IL3RA: variants seen among roughly 807,000 people sequenced by gnomAD.
IL3RA encodes interleukin-3 receptor subunit alpha.
A neutral mutation model predicts 52.3 loss-of-function variants in IL3RA; 73 were observed. The observed-to-expected ratio is 1.40, with a 90% CI of 1.16 to 1.70. The LOEUF (loss-of-function observed/expected upper bound fraction) is 1.70, where lower values mean the gene tolerates loss of function less well. Among genes scored for constraint, IL3RA ranks in the 40% most tolerant of loss-of-function variants. IL3RA has a pLI of 0.00. For missense variants in IL3RA, 664 were observed against 504.4 expected, an observed-to-expected ratio of 1.32 and a Z score of -3.03; for synonymous variants, 260 against 194.0, an observed-to-expected ratio of 1.34 and a Z score of -2.83.
rs28892378 is a variant in IL3RA, at chrX:1,349,334, G to A, written c.298+789G>A. Among the ~76,000 whole-genome samples, 1,232 of 150,474 alleles carry A rather than the reference G, an allele frequency of 8.2e-3. 17 individuals are homozygous for A. The highest frequency in any genetic ancestry group is 0.027 in the African/African-American group (1,108 of 40,994). ...GTAGCTGGGATTATAGGCGCCCACC[G>A]CCACGCCCAGCTAATTCTTGTATTT... On this transcript the variant is annotated intron_variant, in intron 4 of 11. Coordinates refer to ENST00000331035, the MANE Select transcript of IL3RA (RefSeq NM_002183.4).
In IL3RA at chrX:1,341,714, C is replaced by G; in HGVS notation, c.-38-14C>G. The G allele has an allele frequency of 6.2e-7, 1 of 1,607,284 alleles. No homozygotes were observed. The highest frequency in any genetic ancestry group is 8.5e-7 in the Non-Finnish European group (1 of 1,174,758). Reference sequence around the variant, plus strand: ...CAGCCAGTCCCCGCTGCCTGACTCTCGTTTCTCCTGCAGCAGGCACCTCTG... The same window carrying G: ...CAGCCAGTCCCCGCTGCCTGACTCTGGTTTCTCCTGCAGCAGGCACCTCTG... On this transcript the variant is annotated splice_polypyrimidine_tract_variant and intron_variant, in intron 1 of 11. Transcript: ENST00000331035.
intron 4 of IL3RA, 149 bp downstream of exon 4, chrX:1,348,694 T>C (rs868346614): frequency 0.11 from 29,936 of 271,124 alleles, 2,141 homozygotes; most frequent in Middle Eastern, 0.14. Context: ...TTCTTTCTTT[T>C]TCTTTCTTTC....
chrX:1,340,796 C>A (rs1170030492), intron 1 of IL3RA, among the ~76,000 whole-genome samples: 20 of 152,086 alleles, frequency 1.3e-4, no homozygotes, highest in South Asian at 1.0e-3. Context: ...ACCAGCCTGG[C>A]CAACATGGTC....
At chrX:1,344,661 T>C (rs748422718) in intron 2 of IL3RA, among the ~76,000 whole-genome samples, 3 of 150,642 alleles carry the variant, frequency 2.0e-5, no homozygotes, top group Admixed American at 6.7e-5. Flanking sequence ...TAATCCTAGC[T>C]ACTCGGGAGG....
intron 10 of IL3RA, among the ~76,000 whole-genome samples, chrX:1,379,367 A>G (rs1443110749): frequency 6.0e-5 from 9 of 148,762 alleles, no homozygotes; most frequent in Non-Finnish European, 1.3e-4. Context: ...TGTTGGCCAC[A>G]CTGGTGTTGA....
intron 3 of IL3RA, 114 bp downstream of exon 3, chrX:1,345,548 G>A: frequency 3.1e-6 from 2 of 639,130 alleles, no homozygotes; most frequent in Non-Finnish European, 4.7e-6. Flanking sequence ...GGACTGCGGT[G>A]ACCCGATCTC....
At chrX:1,381,379 A>G (rs1345468372) in intron 11 of IL3RA, among the ~76,000 whole-genome samples, 3 of 152,078 alleles carry the variant, frequency 2.0e-5, no homozygotes, top group South Asian at 4.2e-4. Context: ...TCTGGGCGAC[A>G]AGAGTGAAAT....
chrX:1,351,626 GGTTT>G (rs1236357183), intron 4 of IL3RA, among the ~76,000 whole-genome samples: 13 of 146,032 alleles, frequency 8.9e-5, no homozygotes, highest in African/African-American at 3.3e-4. Flanking sequence ...ACCATGCCTG[GGTTT>G]GTTTTTTTAT....
chrX:1,350,150 G>C (rs1420053319), intron 4 of IL3RA, among the ~76,000 whole-genome samples: 4 of 152,066 alleles, frequency 2.6e-5, no homozygotes, highest in African/African-American at 9.7e-5. Flanking sequence ...GGTGGGTTTG[G>C]CTGTAAAAGT....
chrX:1,360,846 GCTCTCTCCCTGTCT>G (rs1254912345), intron 8 of IL3RA, among the ~76,000 whole-genome samples: 34 of 147,314 alleles, frequency 2.3e-4, no homozygotes, highest in African/African-American at 8.6e-4. Context: ...TATCTTTCTA[GCTCTCTCCCTGTCT>G]CTCTCTCCCT....
At chrX:1,353,112 T>A (rs2086218054) in intron 6 of IL3RA, among the ~76,000 whole-genome samples, 1 of 147,150 alleles carries the variant, frequency 6.8e-6, no homozygotes, top group Admixed American at 6.7e-5. Flanking sequence ...CCATCATGGG[T>A]CATGGGACAC....
rs759985201 is a variant in IL3RA, at chrX:1,356,294, T to G, written c.690T>G (p.Ser230Arg). The part of the protein sequence containing the change: ...THSFMHWKMR[S>R]HFNRKFRYEL... ...CCTTTATGCACTGGAAAATGAGAAG[T>G]CATTTCAATCGCAAATTTCGCTATG... Residue 230 changes from serine (S) to arginine (R), a missense_variant, in exon 7 of 12, where the codon AGT (serine) becomes AGG (arginine). By Grantham distance (110) the Ser-to-Arg change is moderately radical. Coordinates refer to ENST00000331035, the MANE Select transcript of IL3RA (RefSeq NM_002183.4). 8.7e-6 allele frequency: 14 copies of G among 1,613,434 alleles called. No homozygotes were observed. Among genetic ancestry groups the G allele is most frequent in the Non-Finnish European group, 1.2e-5 (14 of 1,179,710 alleles).
chrX:1,364,036 A>G (rs1237553768), intron 8 of IL3RA, among the ~76,000 whole-genome samples: 2 of 151,646 alleles, frequency 1.3e-5, no homozygotes, highest in African/African-American at 4.8e-5. Context: ...AAAATACAAA[A>G]AATTAGCTGG....
At chrX:1,366,942 C>A (rs868577951) in intron 9 of IL3RA, among the ~76,000 whole-genome samples, 7 of 7,742 alleles carry the variant, frequency 9.0e-4, no homozygotes, top group Admixed American at 1.5e-3. Context: ...GAGCCGGGTG[C>A]GCGGGGTGCG....
rs147784426 is a variant in IL3RA, at chrX:1,377,076, C to T, written c.875-1583C>T. 6.8e-4 allele frequency among the ~76,000 whole-genome samples: 96 copies of T among 141,370 alleles called. 3 individuals are homozygous for T. In the East Asian group the frequency reaches 0.02, roughly 29 times the overall value. The allele number at this position is 141,370 out of a possible 152,430, so 92.7% of individuals were successfully genotyped here. A position where few individuals can be genotyped will look rare whatever the true frequency, so the allele number is the denominator to read the frequency against. On this transcript the variant is annotated intron_variant, in intron 9 of 11. Coordinates refer to ENST00000331035, the MANE Select transcript of IL3RA (RefSeq NM_002183.4). ...TAAGAAGAGGAGATGAGGACACAGA[C>T]ACACACCAAGGGACAACCCTGTGGG...
chrX:1,363,765 G>A (rs1465470335), intron 8 of IL3RA, among the ~76,000 whole-genome samples: 3 of 151,998 alleles, frequency 2.0e-5, no homozygotes, highest in East Asian at 1.9e-4. Flanking sequence ...TGTCACCCAC[G>A]CTAGAGTGCA....
chrX:1,378,586 C>T lies in IL3RA; in HGVS notation c.875-73C>T, dbSNP rs755174356. 96 of 1,325,436 alleles carry T rather than the reference C, an allele frequency of 7.2e-5. No homozygotes were observed. In the Middle Eastern group the frequency reaches 1.0e-3, roughly 14 times the overall value. The allele number at this position is 1,325,436 out of a possible 1,614,324, so 82.1% of individuals were successfully genotyped here. The stretch of plus-strand genomic sequence containing the variant: ...GCCACCTCTCTGCTTCCCAGGGCCC[C>T]GGGGAGAGCTTACAGTCCCTGGTCC... On this transcript the variant is annotated intron_variant, in intron 9 of 11. Transcript: ENST00000331035.
rs374740677 is a variant in IL3RA at position 1,381,123 on chromosome X, C to T, written c.1062+19C>T. The T allele has an allele frequency of 8.7e-6, 14 of 1,612,766 alleles. No individual in the cohort carries two copies. In the African/African-American group the frequency reaches 1.9e-4, roughly 22 times the overall value. Reference sequence around the variant, plus strand: ...CAAGCTGGTATGTTGTTTTTTCTGCCTTGGGACGGGTCTGGAGGCGTGGTG... The same window carrying T: ...CAAGCTGGTATGTTGTTTTTTCTGCTTTGGGACGGGTCTGGAGGCGTGGTG... On this transcript the variant is annotated intron_variant, in intron 11 of 11. Transcript: ENST00000331035.
chrX:1,361,937 G>C (rs2087429848), intron 8 of IL3RA, among the ~76,000 whole-genome samples: 1 of 151,858 alleles, frequency 6.6e-6, no homozygotes, highest in Non-Finnish European at 1.5e-5. Flanking sequence ...TACAATTCAA[G>C]ATGAGATTTG....
Sources: gnomAD v4.1 joint callset for allele counts (sites outside exome capture counted in the v4.1 genomes callset) on GRCh38, gnomAD v4.1.1 for gene constraint, MANE v1.5 for transcripts, NCBI Gene and HGNC (gene_info 2026-07-23, HGNC 2026-07-21) for gene names.